Variants in EDEM1 observed in about 807,000 individuals in gnomAD.
EDEM1 encodes ER degradation enhancing alpha-mannosidase like protein 1.
In EDEM1, 67 loss-of-function variants were observed where a neutral mutation model predicts 74.4. The observed-to-expected ratio is 0.90, with a 90% confidence interval of 0.74 to 1.10. The LOEUF is 1.10. Among genes scored for constraint, EDEM1 ranks in the 50% least tolerant of loss-of-function variants. The pLI, the probability that EDEM1 is intolerant of heterozygous loss-of-function variation, is 0.00. For missense variants in EDEM1, 926 were observed against 851.6 expected (o/e 1.09, Z -1.09); for synonymous variants, 382 against 335.9 (o/e 1.14, Z -1.50).
At position 5,213,305 on chromosome 3, in the gene EDEM1, T is replaced by C; in HGVS notation, c.1681-14T>C. 6.2e-7 allele frequency: 1 copy of C among 1,609,042 alleles called. No individual in the cohort carries two copies. The highest frequency in any genetic ancestry group is 2.2e-5 in the East Asian group (1 of 44,768). The stretch of plus-strand genomic sequence containing the variant: ...TACAATTATTGGTTGTATCTTTTTC[T>C]CCGTTCCCTCTAGCTGTTTGATGAA... On this transcript the variant is annotated splice_polypyrimidine_tract_variant and intron_variant, in intron 10 of 11. Coordinates refer to ENST00000256497, the MANE Select transcript of EDEM1 (RefSeq NM_014674.3).
At chr3:5,214,031 C>T (rs537097468) in intron 11 of EDEM1, among the ~76,000 whole-genome samples, 4 of 152,204 alleles carry the variant, frequency 2.6e-5, no homozygotes, top group African/African-American at 4.8e-5. Context: ...GGAAAAAAAG[C>T]AGTGATGGTC....
intron 1 of EDEM1, among the ~76,000 whole-genome samples, chr3:5,192,492 G>T (rs367707610): frequency 6.6e-6 from 1 of 152,248 alleles, no homozygotes; most frequent in African/African-American, 2.4e-5. Flanking sequence ...AAAATTTACA[G>T]TGGGGTGAAT....
At chr3:5,193,340 T>A (rs780185068) in intron 1 of EDEM1, among the ~76,000 whole-genome samples, 5 of 152,220 alleles carry the variant, frequency 3.3e-5, no homozygotes, top group Non-Finnish European at 7.3e-5. Flanking sequence ...TTTGAGCCCC[T>A]CCTGCAACCC....
At chr3:5,195,976 T>G (rs149863241) in intron 2 of EDEM1, among the ~76,000 whole-genome samples, 176 of 152,386 alleles carry the variant, frequency 1.2e-3, no homozygotes, top group African/African-American at 4.0e-3. Flanking sequence ...GGGACTGTAT[T>G]CCAGCATAGT....
chr3:5,193,368 T>G (rs953830295), intron 1 of EDEM1, among the ~76,000 whole-genome samples: 2 of 152,188 alleles, frequency 1.3e-5, no homozygotes, highest in Non-Finnish European at 2.9e-5. Context: ...TTTTGTACCT[T>G]TTTTGGCTGT....
intron 2 of EDEM1, among the ~76,000 whole-genome samples, chr3:5,196,330 G>A (rs1363512746): frequency 3.3e-5 from 5 of 152,138 alleles, no homozygotes; most frequent in Non-Finnish European, 7.4e-5. Flanking sequence ...GGTGGCGGGC[G>A]CCTGTGGTCC....
Position 5,211,184 on chromosome 3 carries a change from T to C in EDEM1, c.1648T>C (p.Phe550Leu). The C allele has an allele frequency of 6.2e-7, 1 of 1,614,204 alleles. No homozygotes were observed. Among genetic ancestry groups the C allele is most frequent in the Non-Finnish European group, 8.5e-7 (1 of 1,180,022 alleles). ...KSTEDRMESF[F>L]LSETCKYLYL... ...CACAGAAGACCGGATGGAGAGCTTC[T>C]TTCTCAGTGAGACCTGTAAATATTT... Residue 550 changes from phenylalanine to leucine, a missense_variant, in exon 10 of 12, where the codon TTT (phenylalanine) becomes CTT (leucine). Coordinates refer to ENST00000256497, the MANE Select transcript of EDEM1 (RefSeq NM_014674.3).
chr3:5,203,618 T>C lies in EDEM1; in HGVS notation c.1042+469T>C, dbSNP rs188743856. On this transcript the variant is annotated intron_variant, in intron 5 of 11. Coordinates refer to ENST00000256497, the MANE Select transcript of EDEM1 (RefSeq NM_014674.3). ...TTTGGTGAAGATGTTACTTAAAAAT[T>C]ATTATGGAAAATTTCATAATATAGT... 4.8e-3 allele frequency among the ~76,000 whole-genome samples: 725 copies of C among 152,334 alleles called. 5 individuals are homozygous for C. The highest frequency in any genetic ancestry group is 0.023 in the South Asian group (109 of 4,826).
chr3:5,201,698 A>G (rs1294504845), intron 3 of EDEM1, 55 bp from the exon 4 acceptor site: 4 of 1,596,718 alleles, frequency 2.5e-6, no homozygotes, highest in African/African-American at 1.3e-5. Flanking sequence ...GAATTGGATT[A>G]TGTGCATTTA....
chr3:5,215,260 G>A (rs1482059885), intron 11 of EDEM1, among the ~76,000 whole-genome samples: 1 of 149,316 alleles, frequency 6.7e-6, no homozygotes, highest in Non-Finnish European at 1.5e-5. Flanking sequence ...TAGTTCTCAA[G>A]ATGTGCATCT....
chr3:5,214,029 A>T (rs1461541907), intron 11 of EDEM1, among the ~76,000 whole-genome samples: 1 of 152,242 alleles, frequency 6.6e-6, no homozygotes, highest in South Asian at 2.1e-4. Flanking sequence ...AGGGAAAAAA[A>T]GCAGTGATGG....
At chr3:5,214,483 C>T (rs1353975005) in intron 11 of EDEM1, among the ~76,000 whole-genome samples, 2 of 152,214 alleles carry the variant, frequency 1.3e-5, no homozygotes, top group East Asian at 1.9e-4. Context: ...AGTCATGGAG[C>T]GCTGATTGAG....
chr3:5,196,551 A>G (rs1268597112), intron 2 of EDEM1, among the ~76,000 whole-genome samples: 2 of 152,180 alleles, frequency 1.3e-5, no homozygotes, highest in Admixed American at 6.5e-5. Context: ...TAGTAGAATT[A>G]CCAGAACTTG....
Position 5,187,839 on chromosome 3 carries a change from C to T in EDEM1, c.34C>T (p.Leu12Phe), listed in dbSNP as rs377481139. 5.3e-5 allele frequency: 84 copies of T among 1,590,974 alleles called. No individual in the cohort carries two copies. The highest frequency in any genetic ancestry group is 7.0e-5 in the Non-Finnish European group (82 of 1,170,212). The change falls in exon 1 of 12, where the codon CTC becomes TTC. Residue 12 changes from leucine to phenylalanine, a missense_variant. Leu to Phe is a conservative substitution (Grantham distance 22). Coordinates refer to ENST00000256497, the MANE Select transcript of EDEM1 (RefSeq NM_014674.3). ...QWRALVLGLV[L>F]LRLGLHGVLW... ...GCGAGCGCTCGTCCTGGGGCTGGTG[C>T]TCCTCCGGCTTGGCCTCCATGGAGT...
intron 8 of EDEM1, 94 bp downstream of exon 8, chr3:5,208,357 T>A: frequency 6.8e-7 from 1 of 1,464,504 alleles, no homozygotes; most frequent in Non-Finnish European, 9.2e-7. Context: ...GATTTAGGGT[T>A]ATGTTGTTTC....
intron 1 of EDEM1, among the ~76,000 whole-genome samples, chr3:5,191,196 AT>A (rs1241424134): frequency 2.0e-5 from 3 of 152,132 alleles, no homozygotes; most frequent in African/African-American, 7.2e-5. Flanking sequence ...CCCAAACTAA[AT>A]AATCTGTAAT....
chr3:5,207,223 C>T lies in EDEM1; in HGVS notation c.1288C>T (p.Leu430=), dbSNP rs1311834545. The T allele has an allele frequency of 2.5e-6, 4 of 1,614,192 alleles. No homozygotes were observed. The highest frequency in any genetic ancestry group is 4.5e-5 in the East Asian group (2 of 44,882). The part of the protein sequence containing the change: ...YVNVNMFSGQ[L]MNTWIDSLQA... The stretch of plus-strand genomic sequence containing the variant: ...CAACGTGAACATGTTCAGTGGGCAG[C>T]TGATGAACACCTGGATTGACTCTCT... Residue 430 remains leucine (L), a synonymous_variant, in exon 7 of 12, where the codon CTG becomes TTG. Transcript: ENST00000256497.
intron 1 of EDEM1, among the ~76,000 whole-genome samples, chr3:5,190,771 T>G (rs116229240): frequency 0.036 from 5,540 of 152,294 alleles, 158 homozygotes; most frequent in Non-Finnish European, 0.053. Context: ...CAAAGAAGCC[T>G]TGCATGGACG....
At chr3:5,215,155 C>G (rs2055217236) in intron 11 of EDEM1, among the ~76,000 whole-genome samples, 1 of 151,844 alleles carries the variant, frequency 6.6e-6, no homozygotes, top group Non-Finnish European at 1.5e-5. Context: ...GTAGTAAGTT[C>G]AACTTACTAC....
Sources: allele counts gnomAD v4.1 joint callset (sites outside exome capture counted in the v4.1 genomes callset), GRCh38; gene constraint gnomAD v4.1.1; transcripts MANE v1.5; gene names NCBI Gene and HGNC (gene_info 2026-07-23, HGNC 2026-07-21).